The following YTHDF3 variants were observed in gnomAD, a reference collection of about 807,000 sequenced individuals.
The protein encoded by YTHDF3 is YTH domain-containing family protein 3.
A neutral mutation model predicts 52.5 loss-of-function variants in YTHDF3; 9 were observed. That is an observed-to-expected ratio of 0.17 (90% CI 0.10 to 0.30). The LOEUF (loss-of-function observed/expected upper bound fraction) is 0.30, where lower values mean the gene tolerates loss of function less well. Among genes scored for constraint, YTHDF3 ranks in the 10% least tolerant of loss-of-function variants. The pLI, the probability that YTHDF3 is intolerant of heterozygous loss-of-function variation, is 1.00. For missense variants in YTHDF3, 534 were observed against 715.0 expected (o/e 0.75, Z 2.89); for synonymous variants, 274 against 243.3 (o/e 1.13, Z -1.18).
chr8:63,174,878 A>G (rs963511658), intron 2 of YTHDF3, among the ~76,000 whole-genome samples: 1 of 152,222 alleles, frequency 6.6e-6, no homozygotes, highest in Non-Finnish European at 1.5e-5. Context: ...GATCGAAAAT[A>G]GTTATTTCAT....
At chr8:63,205,493 GTGCAAT>G (rs1419046323) in intron 4 of YTHDF3, among the ~76,000 whole-genome samples, 1 of 150,810 alleles carries the variant, frequency 6.6e-6, no homozygotes, top group Non-Finnish European at 1.5e-5. Flanking sequence ...GAGTGCAGTG[GTGCAAT>G]CTTGGCTCAC....
intron 3 of YTHDF3, among the ~76,000 whole-genome samples, chr8:63,185,743 TGTAA>T (rs1808455092): frequency 6.6e-6 from 1 of 152,228 alleles, no homozygotes; most frequent in Non-Finnish European, 1.5e-5. Context: ...AATCCTTGTG[TGTAA>T]GTGATTGCAT....
chr8:63,199,724 T>C (rs986707024), intron 4 of YTHDF3, among the ~76,000 whole-genome samples: 2 of 152,054 alleles, frequency 1.3e-5, no homozygotes, highest in African/African-American at 4.8e-5. Flanking sequence ...TCCATAAGGG[T>C]CATTTGAGGT....
chr8:63,187,515 G>A lies in YTHDF3; in HGVS notation c.1504G>A (p.Glu502Lys), dbSNP rs1808602511. The stretch of plus-strand genomic sequence containing the variant: ...TCAGGATAAGTGGAAGGGCAAATTT[G>A]AAGTTAAATGGATCTTTGTCAAAGA... ...WSQDKWKGKFEVKWIFVKDVP... is the reference protein window; with the variant it reads ...WSQDKWKGKFKVKWIFVKDVP... The change falls in exon 4 of 5, where the codon GAA becomes AAA. Residue 502 changes from glutamate (E) to lysine (K), a missense_variant. Coordinates refer to ENST00000539294, the MANE Select transcript of YTHDF3 (RefSeq NM_152758.6). 6.2e-7 allele frequency: 1 copy of A among 1,613,860 alleles called. No individual in the cohort carries two copies. Among genetic ancestry groups the A allele is most frequent in the African/African-American group, 1.3e-5 (1 of 74,914 alleles).
intron 4 of YTHDF3, among the ~76,000 whole-genome samples, chr8:63,206,757 T>C (rs1022829997): frequency 3.3e-5 from 5 of 152,198 alleles, no homozygotes; most frequent in African/African-American, 9.6e-5. Flanking sequence ...TGTTTTTTTT[T>C]CCCTCTAAAA....
chr8:63,170,499 A>G (rs182557191), intron 2 of YTHDF3, among the ~76,000 whole-genome samples: 1 of 152,310 alleles, frequency 6.6e-6, no homozygotes, highest in Non-Finnish European at 1.5e-5. Flanking sequence ...TTCTTGCAGT[A>G]TGTAAATATT....
chr8:63,200,198 C>G (rs1011212260), intron 4 of YTHDF3, among the ~76,000 whole-genome samples: 6 of 152,118 alleles, frequency 3.9e-5, no homozygotes, highest in Non-Finnish European at 5.9e-5. Flanking sequence ...TTCCTTTTGG[C>G]TGTATGCCAG....
chr8:63,169,317 C>T (rs747076123), intron 1 of YTHDF3, 70 bp from the exon 2 acceptor site: 24 of 1,537,264 alleles, frequency 1.6e-5, no homozygotes, highest in Non-Finnish European at 1.9e-5. Context: ...TTGATAATGC[C>T]TTTGATTAAC....
chr8:63,186,373 A>G lies in YTHDF3; in HGVS notation c.362A>G (p.Gln121Arg). 1 of 1,614,070 alleles carries G rather than the reference A, an allele frequency of 6.2e-7. No individual in the cohort carries two copies. The highest frequency in any genetic ancestry group is 8.5e-7 in the Non-Finnish European group (1 of 1,179,904). Residue 121 changes from glutamine (Q) to arginine (R), a missense_variant, in exon 4 of 5, where the codon CAA becomes CGA. Physicochemically the swap from Gln to Arg is conservative, Grantham distance 43. Transcript: ENST00000539294. ...ALGNTPPFLG[Q>R]HGFNFFPGNA... ...GGAAATACCCCTCCATTTCTTGGTCAACATGGATTTAACTTTTTTCCTGGT... is the reference window on the plus strand; with the variant it reads ...GGAAATACCCCTCCATTTCTTGGTCGACATGGATTTAACTTTTTTCCTGGT...
chr8:63,174,128 A>G (rs924920511), intron 2 of YTHDF3, among the ~76,000 whole-genome samples: 10 of 152,210 alleles, frequency 6.6e-5, no homozygotes, highest in African/African-American at 1.4e-4. Flanking sequence ...GGAATACGCA[A>G]TTTAAACCCG....
intron 2 of YTHDF3, among the ~76,000 whole-genome samples, chr8:63,173,202 T>TATATATATATATATA (rs1554533375): frequency 2.4e-5 from 3 of 125,884 alleles, no homozygotes; most frequent in African/African-American, 8.1e-5. Flanking sequence ...AGGATTATAT[T>TATATATATATATATA]TATATATATA....
chr8:63,209,815 C>A lies in YTHDF3; in HGVS notation c.*109C>A. On this transcript the variant is annotated 3_prime_UTR_variant, in exon 5 of 5. Transcript: ENST00000539294. Reference sequence around the variant, plus strand: ...AGCTCTTTTCTGCTTAAGGTGACATCTTTGAACACTTTAACACAAAGTTGA... The same window carrying A: ...AGCTCTTTTCTGCTTAAGGTGACATATTTGAACACTTTAACACAAAGTTGA... 1.8e-6 allele frequency: 2 copies of A among 1,083,928 alleles called. No homozygotes were observed. Among genetic ancestry groups the A allele is most frequent in the Non-Finnish European group, 2.6e-6 (2 of 768,652 alleles). The allele number at this position is 1,083,928 out of a possible 1,614,324, so 67.1% of individuals were successfully genotyped here.
rs747337578 is a variant in YTHDF3, at chr8:63,186,819, A to G, written c.808A>G (p.Ile270Val). 3 of 1,613,990 alleles carry G rather than the reference A, an allele frequency of 1.9e-6. No individual in the cohort carries two copies. The highest frequency in any genetic ancestry group is 2.5e-6 in the Non-Finnish European group (3 of 1,179,890). ...IGGSAVPPPP[I>V]KHNMNIGTWD... ...GGGTTCTGCTGTACCACCACCTCCTATAAAACACAACATGAATATTGGAAC... is the reference window on the plus strand; with the variant it reads ...GGGTTCTGCTGTACCACCACCTCCTGTAAAACACAACATGAATATTGGAAC... The change falls in exon 4 of 5, where the codon ATA becomes GTA. Residue 270 changes from isoleucine to valine, a missense_variant. Ile to Val is a conservative substitution (Grantham distance 29). Coordinates refer to ENST00000539294, the MANE Select transcript of YTHDF3 (RefSeq NM_152758.6).
At position 63,188,701 on chromosome 8, in the gene YTHDF3, A is replaced by ATTTTT. The variant is rs1191554468; in HGVS notation, c.1734+975_1734+979dup. On this transcript the variant is annotated intron_variant, in intron 4 of 4. Transcript: ENST00000539294. The stretch of plus-strand genomic sequence containing the variant: ...TACATATATATATATATATATATAT[A>ATTTTT]TTTTTTTTTTTTTTTTTTTTTTTCT... 61 of 61,452 alleles carry ATTTTT rather than the reference A, an allele frequency of 9.9e-4. 2 individuals are homozygous for ATTTTT. Among genetic ancestry groups the ATTTTT allele is most frequent in the African/African-American group, 3.5e-3 (41 of 11,574 alleles). 3.8% of individuals were successfully genotyped at this position (61,452 alleles called of 1,614,324 possible).
chr8:63,207,389 A>T (rs1272114898), intron 4 of YTHDF3, among the ~76,000 whole-genome samples: 4 of 152,106 alleles, frequency 2.6e-5, no homozygotes, highest in African/African-American at 9.7e-5. Context: ...GGTTTCATTG[A>T]TGGGCCTACA....
At chr8:63,203,134 C>T (rs1285659495) in intron 4 of YTHDF3, among the ~76,000 whole-genome samples, 3 of 151,500 alleles carry the variant, frequency 2.0e-5, no homozygotes, top group East Asian at 2.0e-4. Flanking sequence ...CCCAGCTACT[C>T]GAGAGGCTTG....
intron 3 of YTHDF3, among the ~76,000 whole-genome samples, chr8:63,180,966 A>G (rs1271260948): frequency 6.6e-6 from 1 of 152,242 alleles, no homozygotes; most frequent in Admixed American, 6.5e-5. Flanking sequence ...AGACCGTGGA[A>G]AGAGGGAGAG....
intron 4 of YTHDF3, among the ~76,000 whole-genome samples, chr8:63,193,388 A>AG (rs1468843345): frequency 6.7e-6 from 1 of 149,740 alleles, no homozygotes; most frequent in Non-Finnish European, 1.5e-5. Flanking sequence ...AAAAAAAAAA[A>AG]AAAAAAAAGC....
rs1178484913 is a variant in YTHDF3 at position 63,212,676 on chromosome 8, T to C, written c.*2970T>C. On this transcript the variant is annotated 3_prime_UTR_variant, in exon 5 of 5. Coordinates refer to ENST00000539294, the MANE Select transcript of YTHDF3 (RefSeq NM_152758.6). ...TTGAATTTTGTCGTGTTTGGGTTTGTTCATTCCTGTGAATGATGGTACAGT... is the reference window on the plus strand; with the variant it reads ...TTGAATTTTGTCGTGTTTGGGTTTGCTCATTCCTGTGAATGATGGTACAGT... 6.6e-6 allele frequency: 1 copy of C among 152,624 alleles called. No homozygotes were observed. Among genetic ancestry groups the C allele is most frequent in the Non-Finnish European group, 1.5e-5 (1 of 68,020 alleles). The allele number at this position is 152,624 out of a possible 1,614,324, so 9.5% of individuals were successfully genotyped here. A position where few individuals can be genotyped will look rare whatever the true frequency, so the allele number is the denominator to read the frequency against.
Sources: allele counts gnomAD v4.1 joint callset (sites outside exome capture counted in the v4.1 genomes callset), GRCh38; gene constraint gnomAD v4.1.1; transcripts MANE v1.5; gene names NCBI Gene and HGNC (gene_info 2026-07-23, HGNC 2026-07-21).